The following C10orf90 variants were observed in gnomAD, a reference collection of about 807,000 sequenced individuals.
C10orf90 encodes the protein (E2-independent) E3 ubiquitin-conjugating enzyme FATS.
Under a neutral mutation model 62.5 loss-of-function variants are expected in C10orf90, and 56 were observed. That is an observed-to-expected ratio of 0.90 (90% CI 0.72 to 1.12). The LOEUF is 1.12. Among genes scored for constraint, C10orf90 ranks in the 50% most tolerant of loss-of-function variants. C10orf90 has a pLI of 0.00. For missense variants in C10orf90, 970 were observed against 880.4 expected (o/e 1.10, Z -1.29); for synonymous variants, 386 against 340.4 (o/e 1.13, Z -1.47).
intron 2 of C10orf90, among the ~76,000 whole-genome samples, chr10:126,622,469 A>G (rs1357012054): frequency 3.9e-5 from 6 of 152,186 alleles, no homozygotes; most frequent in African/African-American, 1.4e-4. Context: ...TTTCATTGCC[A>G]ATGTCTAGAG....
chr10:126,642,546 A>G (rs564265462), intron 2 of C10orf90, among the ~76,000 whole-genome samples: 1 of 151,872 alleles, frequency 6.6e-6, no homozygotes, highest in Non-Finnish European at 1.5e-5. Context: ...AAAAAATACA[A>G]AACCCTGATG....
At chr10:126,444,710 C>A (rs574557724) in intron 7 of C10orf90, among the ~76,000 whole-genome samples, 1 of 152,198 alleles carries the variant, frequency 6.6e-6, no homozygotes, top group African/African-American at 2.4e-5. Flanking sequence ...GCCCACATAG[C>A]CAAACCAAGA....
At chr10:126,521,112 T>G (rs946402311) in intron 2 of C10orf90, among the ~76,000 whole-genome samples, 1 of 152,198 alleles carries the variant, frequency 6.6e-6, no homozygotes, top group African/African-American at 2.4e-5. Context: ...TTTCATGCTG[T>G]TGTGTAATGA....
At chr10:126,565,358 T>TATATA (rs1554917326) in intron 2 of C10orf90, among the ~76,000 whole-genome samples, 30 of 78,908 alleles carry the variant, frequency 3.8e-4, no homozygotes, top group South Asian at 5.9e-4. Flanking sequence ...TAATATATAA[T>TATATA]ATATATTATT....
At position 126,576,422 on chromosome 10, in the gene C10orf90, T is replaced by C. The variant is rs537840590; in HGVS notation, c.314-62483A>G. 1.4e-4 allele frequency among the ~76,000 whole-genome samples: 22 copies of C among 152,002 alleles called. 1 individual carries two copies. In the South Asian group the frequency reaches 4.4e-3, roughly 30 times the overall value. On this transcript the variant is annotated intron_variant, in intron 2 of 9. Transcript: ENST00000488181. The stretch of plus-strand genomic sequence containing the variant: ...TATCAAAAAGACAAATAATAAAAAA[T>C]GCTGGTGAGGATGTAGAGAAAAGGA...
At chr10:126,625,765 C>T (rs1845729727) in intron 2 of C10orf90, among the ~76,000 whole-genome samples, 1 of 152,150 alleles carries the variant, frequency 6.6e-6, no homozygotes, top group Non-Finnish European at 1.5e-5. Context: ...ATTTTTATTA[C>T]AATCTTCAAT....
chr10:126,445,205 AG>A lies in C10orf90; in HGVS notation c.2188+13834del, dbSNP rs1858675751. 1.3e-5 allele frequency among the ~76,000 whole-genome samples: 2 copies of A among 152,210 alleles called. 1 individual carries two copies. Among genetic ancestry groups the A allele is most frequent in the Admixed American group, 1.3e-4 (2 of 15,280 alleles). On this transcript the variant is annotated intron_variant, in intron 7 of 9. Coordinates refer to ENST00000488181, the MANE Select transcript of C10orf90 (RefSeq NM_001350921.2). ...AACTAAAGAGCTTTTGCATGACAAAAGGAACAGTCAGCAGAGTAAATAGACA... is the reference window on the plus strand; with the variant it reads ...AACTAAAGAGCTTTTGCATGACAAAAGAACAGTCAGCAGAGTAAATAGACA...
chr10:126,660,988 C>T (rs575407291), intron 1 of C10orf90, among the ~76,000 whole-genome samples: 1 of 152,324 alleles, frequency 6.6e-6, no homozygotes, highest in East Asian at 1.9e-4. Context: ...CTGGCTTCTG[C>T]TATTGTATGC....
chr10:126,444,515 T>G (rs1858614172), intron 7 of C10orf90, among the ~76,000 whole-genome samples: 1 of 152,034 alleles, frequency 6.6e-6, no homozygotes, highest in Non-Finnish European at 1.5e-5. Context: ...CTGAAAGAAA[T>G]CATAGATGAC....
intron 2 of C10orf90, among the ~76,000 whole-genome samples, chr10:126,631,649 G>A (rs993842036): frequency 6.6e-6 from 1 of 151,912 alleles, no homozygotes; most frequent in Admixed American, 6.6e-5. Flanking sequence ...TCAGTAAGAG[G>A]GGAACCACCC....
intron 2 of C10orf90, among the ~76,000 whole-genome samples, chr10:126,537,725 T>C (rs1283818654): frequency 1.3e-5 from 2 of 152,264 alleles, no homozygotes; most frequent in Non-Finnish European, 2.9e-5. Flanking sequence ...CATCTGAAGG[T>C]AATTCCCAGG....
chr10:126,631,265 C>T (rs1437242775), intron 2 of C10orf90, among the ~76,000 whole-genome samples: 4 of 152,182 alleles, frequency 2.6e-5, no homozygotes, highest in Non-Finnish European at 5.9e-5. Context: ...AGCTCTCCAA[C>T]TCGTTTTCCT....
chr10:126,452,264 A>G (rs1410072245), intron 7 of C10orf90, among the ~76,000 whole-genome samples: 1 of 152,162 alleles, frequency 6.6e-6, no homozygotes, highest in African/African-American at 2.4e-5. Context: ...ACAAGTTTAA[A>G]CTGCTCATTT....
At chr10:126,602,014 G>T (rs1440397684) in intron 2 of C10orf90, among the ~76,000 whole-genome samples, 1 of 152,244 alleles carries the variant, frequency 6.6e-6, no homozygotes, top group Non-Finnish European at 1.5e-5. Flanking sequence ...GCAGGGGATG[G>T]TCCAACAGCC....
At chr10:126,512,386 CTGTG>C (rs1196641250) in intron 3 of C10orf90, among the ~76,000 whole-genome samples, 6 of 13,368 alleles carry the variant, frequency 4.5e-4, no homozygotes, top group South Asian at 6.1e-3. Flanking sequence ...GTGTGTGTGT[CTGTG>C]TGTGTGTGTG....
chr10:126,589,404 T>C (rs1247471091), intron 2 of C10orf90, among the ~76,000 whole-genome samples: 1 of 152,066 alleles, frequency 6.6e-6, no homozygotes, highest in Non-Finnish European at 1.5e-5. Context: ...GACACGATCA[T>C]CAGATTCTCC....
intron 4 of C10orf90, among the ~76,000 whole-genome samples, chr10:126,489,740 T>C (rs752263614): frequency 2.1e-4 from 32 of 151,614 alleles, no homozygotes; most frequent in South Asian, 6.2e-4. Flanking sequence ...CCCCAAAGAA[T>C]TGAAAGCAGA....
intron 1 of C10orf90, among the ~76,000 whole-genome samples, chr10:126,657,868 G>A (rs896251805): frequency 1.3e-5 from 2 of 151,956 alleles, no homozygotes; most frequent in African/African-American, 2.4e-5. Context: ...TGCCTGCCTC[G>A]GCCTCCCAAT....
At chr10:126,642,229 C>G (rs114273254) in intron 2 of C10orf90, among the ~76,000 whole-genome samples, 1 of 152,096 alleles carries the variant, frequency 6.6e-6, no homozygotes, top group African/African-American at 2.4e-5. Context: ...GCTGGCACTA[C>G]GTACTTCAAT....
Sources: gnomAD v4.1 joint callset for allele counts (sites outside exome capture counted in the v4.1 genomes callset) on GRCh38, gnomAD v4.1.1 for gene constraint, MANE v1.5 for transcripts, NCBI Gene and HGNC (gene_info 2026-07-23, HGNC 2026-07-21) for gene names.